Variants in ELOVL7 observed in about 807,000 individuals in gnomAD.
The protein encoded by ELOVL7 is very long chain fatty acid elongase 7.
ELOVL7 carries 27 observed loss-of-function variants against 35.7 expected under a neutral mutation model. The observed-to-expected ratio is 0.76, with a 90% CI of 0.56 to 1.04. The LOEUF (loss-of-function observed/expected upper bound fraction) is 1.04. Ranked by LOEUF, ELOVL7 falls within the 50% of genes least tolerant of loss-of-function variation. The pLI, the probability that ELOVL7 is intolerant of heterozygous loss-of-function variation, is 0.00. For missense variants in ELOVL7, 327 were observed against 340.8 expected (o/e 0.96, Z 0.32); for synonymous variants, 113 against 114.6 (o/e 0.99, Z 0.09).
intron 4 of ELOVL7, among the ~76,000 whole-genome samples, chr5:60,769,868 G>A (rs1742469973): frequency 6.6e-6 from 1 of 151,942 alleles, no homozygotes; most frequent in African/African-American, 2.4e-5. Flanking sequence ...TGGGAAACAT[G>A]GCAAAACACC....
intron 2 of ELOVL7, among the ~76,000 whole-genome samples, chr5:60,787,982 A>G (rs747562752): frequency 6.6e-6 from 1 of 152,224 alleles, no homozygotes; most frequent in African/African-American, 2.4e-5. Context: ...ATCTAGACAG[A>G]TAGACAAGAA....
At chr5:60,807,721 C>T (rs556748944) in intron 1 of ELOVL7, among the ~76,000 whole-genome samples, 28 of 151,998 alleles carry the variant, frequency 1.8e-4, no homozygotes, top group African/African-American at 5.3e-4. Flanking sequence ...AAAATGGGGC[C>T]GGGCGCGGTG....
chr5:60,796,374 C>A (rs892640551), intron 2 of ELOVL7, among the ~76,000 whole-genome samples: 5 of 152,310 alleles, frequency 3.3e-5, no homozygotes, highest in Admixed American at 2.6e-4. Context: ...TCAACCTCGA[C>A]AGTATTGATA....
Position 60,822,248 on chromosome 5 carries a change from A to G in ELOVL7, c.-86+21912T>C, listed in dbSNP as rs74341852. Among the ~76,000 whole-genome samples the G allele has an allele frequency of 2.1e-3, 315 of 152,356 alleles. 1 individual carries two copies. The highest frequency in any genetic ancestry group is 7.3e-3 in the African/African-American group (304 of 41,578). On this transcript the variant is annotated intron_variant, in intron 1 of 8. Transcript: ENST00000508821. ...GAGTGCAAATGAGGAAGAGTGTGAA[A>G]GACACTGCATAGGCAATAGGAAGCG...
chr5:60,819,839 GGT>G, intron 1 of ELOVL7, among the ~76,000 whole-genome samples: 1 of 152,076 alleles, frequency 6.6e-6, no homozygotes, highest in African/African-American at 2.4e-5. Flanking sequence ...TACCTGACTT[GGT>G]GGATAATTAC....
At chr5:60,768,762 A>T (rs1210847080) in intron 4 of ELOVL7, 1 of 453,974 alleles carries the variant, frequency 2.2e-6, no homozygotes, top group East Asian at 7.0e-5. Flanking sequence ...AATTTAGGGC[A>T]CTGACAATAT....
At chr5:60,810,952 T>G (rs1745207670) in intron 1 of ELOVL7, among the ~76,000 whole-genome samples, 1 of 152,166 alleles carries the variant, frequency 6.6e-6, no homozygotes, top group East Asian at 1.9e-4. Flanking sequence ...TTTCTCAGTT[T>G]CAATTTTAAC....
At chr5:60,766,250 A>G (rs1742228159) in intron 6 of ELOVL7, among the ~76,000 whole-genome samples, 1 of 152,236 alleles carries the variant, frequency 6.6e-6, no homozygotes, top group Non-Finnish European at 1.5e-5. Context: ...TTCATAAAAC[A>G]ACTGTCATCC....
chr5:60,765,914 T>G (rs1217660344), intron 6 of ELOVL7, among the ~76,000 whole-genome samples: 1 of 152,212 alleles, frequency 6.6e-6, no homozygotes, highest in Non-Finnish European at 1.5e-5. Context: ...ACAACAAATA[T>G]TCAGCTTTCC....
intron 8 of ELOVL7, 57 bp downstream of exon 8, chr5:60,757,452 G>A: frequency 1.3e-5 from 20 of 1,550,792 alleles, no homozygotes; most frequent in Non-Finnish European, 1.8e-5. Flanking sequence ...AATTCACAGT[G>A]AAAACAAGTG....
chr5:60,763,556 A>AT (rs1350505676), intron 7 of ELOVL7, among the ~76,000 whole-genome samples: 4 of 152,198 alleles, frequency 2.6e-5, no homozygotes, highest in African/African-American at 9.7e-5. Context: ...ATCCTTGGGG[A>AT]TATCACCTAT....
intron 1 of ELOVL7, among the ~76,000 whole-genome samples, chr5:60,823,377 T>C (rs1050324182): frequency 6.6e-6 from 1 of 152,146 alleles, no homozygotes; most frequent in Non-Finnish European, 1.5e-5. Flanking sequence ...GCATGTACCA[T>C]GTCCAGTAAT....
At chr5:60,828,821 C>T (rs1001957825) in intron 1 of ELOVL7, among the ~76,000 whole-genome samples, 6 of 152,240 alleles carry the variant, frequency 3.9e-5, no homozygotes, top group South Asian at 2.1e-4. Context: ...ACTTAGACTC[C>T]GTATCATCCT....
chr5:60,782,285 T>C (rs1427229259), intron 3 of ELOVL7, among the ~76,000 whole-genome samples: 1 of 152,162 alleles, frequency 6.6e-6, no homozygotes, highest in Non-Finnish European at 1.5e-5. Flanking sequence ...AAGAGAACCC[T>C]TGTACAATGT....
intron 1 of ELOVL7, among the ~76,000 whole-genome samples, chr5:60,819,872 T>C (rs1242866399): frequency 6.6e-6 from 1 of 152,166 alleles, no homozygotes; most frequent in African/African-American, 2.4e-5. Context: ...GACAAAATGA[T>C]GCTCTCCCCT....
chr5:60,824,956 ACTT>A (rs904144166), intron 1 of ELOVL7, among the ~76,000 whole-genome samples: 4 of 138,252 alleles, frequency 2.9e-5, no homozygotes, highest in African/African-American at 7.7e-5. Flanking sequence ...CCTTCTTCTC[ACTT>A]CTTTTTTTTT....
chr5:60,814,292 A>G (rs920015052), intron 1 of ELOVL7, among the ~76,000 whole-genome samples: 19 of 152,338 alleles, frequency 1.2e-4, no homozygotes, highest in African/African-American at 4.6e-4. Context: ...ACCACAGATG[A>G]CAATCAGCCT....
intron 1 of ELOVL7, among the ~76,000 whole-genome samples, chr5:60,807,212 T>C (rs1370575882): frequency 6.6e-6 from 1 of 152,092 alleles, no homozygotes; most frequent in East Asian, 1.9e-4. Flanking sequence ...TTGATTCTGA[T>C]TATGGAAACT....
intron 1 of ELOVL7, among the ~76,000 whole-genome samples, chr5:60,833,862 T>C (rs542701729): frequency 1.1e-4 from 16 of 152,274 alleles, no homozygotes; most frequent in Middle Eastern, 6.8e-3. Flanking sequence ...TGCTTAATAA[T>C]TGCTATTATT....
Sources: gnomAD v4.1 joint callset for allele counts (sites outside exome capture counted in the v4.1 genomes callset) on GRCh38, gnomAD v4.1.1 for gene constraint, MANE v1.5 for transcripts, NCBI Gene and HGNC (gene_info 2026-07-23, HGNC 2026-07-21) for gene names.